Variants in STPG2 observed in about 807,000 individuals in gnomAD.
STPG2 encodes the protein sperm tail PG-rich repeat containing 2.
Under a neutral mutation model 54.2 loss-of-function variants are expected in STPG2, and 56 were observed. The observed-to-expected ratio is 1.03, with a 90% CI of 0.83 to 1.29. The LOEUF is 1.29. STPG2 is among the 50% of genes most tolerant of loss of function. The pLI, the probability that STPG2 is intolerant of heterozygous loss-of-function variation, is 0.00. For synonymous variants in STPG2, 200 were observed against 181.8 expected, an observed-to-expected ratio of 1.10 and a Z score of -0.81; for missense variants, 596 against 544.9, an observed-to-expected ratio of 1.09 and a Z score of -0.93.
intron 5 of STPG2, among the ~76,000 whole-genome samples, chr4:97,992,437 T>A (rs1735052169): frequency 6.6e-6 from 1 of 152,222 alleles, no homozygotes; most frequent in Non-Finnish European, 1.5e-5. Context: ...CTAGGTTCTC[T>A]ATTCTGTTCC....
chr4:98,115,268 T>C (rs1001583828), intron 3 of STPG2, among the ~76,000 whole-genome samples: 2 of 151,978 alleles, frequency 1.3e-5, no homozygotes, highest in Non-Finnish European at 2.9e-5. Flanking sequence ...TTTTCCAGTG[T>C]GGCAGCACAC....
In STPG2 at chr4:97,767,890, A is replaced by G. The variant is rs549854269; in HGVS notation, c.1205-55076T>C. The stretch of plus-strand genomic sequence containing the variant: ...ATGAAGATAAAACATAGAGTTGGCC[A>G]GGCACGATGGCTCACGCCTGTAATC... On this transcript the variant is annotated intron_variant, in intron 9 of 10. Transcript: ENST00000295268. 3.3e-5 allele frequency among the ~76,000 whole-genome samples: 5 copies of G among 152,308 alleles called. No individual in the cohort carries two copies. In the South Asian group the frequency reaches 6.2e-4, roughly 19 times the overall value.
chr4:97,533,133 G>A (rs907830316), intron 4 of STPG2, among the ~76,000 whole-genome samples: 18 of 151,828 alleles, frequency 1.2e-4, no homozygotes, highest in Non-Finnish European at 2.4e-4. Context: ...CCCCCGCCTC[G>A]GCCTCCCAAA....
At chr4:97,884,415 T>C (rs1440043062) in intron 8 of STPG2, among the ~76,000 whole-genome samples, 1 of 152,108 alleles carries the variant, frequency 6.6e-6, no homozygotes, top group Non-Finnish European at 1.5e-5. Context: ...CAAATTGAGA[T>C]TCTTTTTATA....
intron 4 of STPG2, among the ~76,000 whole-genome samples, chr4:97,512,085 A>G (rs867031094): frequency 2.0e-5 from 3 of 152,130 alleles, no homozygotes; most frequent in African/African-American, 7.2e-5. Context: ...AACAAGTCAT[A>G]TAAGAAAATT....
At position 97,669,696 on chromosome 4, in the gene STPG2, T is replaced by C. The variant is rs1722639497; in HGVS notation, c.1320+43003A>G. On this transcript the variant is annotated intron_variant, in intron 10 of 10. Coordinates refer to ENST00000295268, the MANE Select transcript of STPG2 (RefSeq NM_174952.3). ...CTGTAGTCCCAGCTACTCGGGAGGCTGAGGCAGGAGAATGGCGTGAACCCG... is the reference window on the plus strand; with the variant it reads ...CTGTAGTCCCAGCTACTCGGGAGGCCGAGGCAGGAGAATGGCGTGAACCCG... Among the ~76,000 whole-genome samples, 2 of 82,116 alleles carry C rather than the reference T, an allele frequency of 2.4e-5. 1 individual carries two copies. Among genetic ancestry groups the C allele is most frequent in the Non-Finnish European group, 4.6e-5 (2 of 43,658 alleles). 53.9% of individuals were successfully genotyped at this position (82,116 alleles called of 152,430 possible). A position where few individuals can be genotyped will look rare whatever the true frequency, so the allele number is the denominator to read the frequency against.
intron 10 of STPG2, among the ~76,000 whole-genome samples, chr4:97,577,796 C>A (rs1252170900): frequency 1.3e-5 from 2 of 152,118 alleles, no homozygotes; most frequent in Admixed American, 6.6e-5. Context: ...GGACAGATTT[C>A]TCTTAACACT....
intron 8 of STPG2, among the ~76,000 whole-genome samples, chr4:97,898,812 C>A: frequency 6.6e-6 from 1 of 151,564 alleles, no homozygotes; most frequent in African/African-American, 2.4e-5. Flanking sequence ...AAATGATGAG[C>A]AAAATTCGTA....
chr4:97,937,237 A>G (rs1352932593), intron 8 of STPG2, among the ~76,000 whole-genome samples: 1 of 151,956 alleles, frequency 6.6e-6, no homozygotes, highest in Non-Finnish European at 1.5e-5. Context: ...CAGGCCATTT[A>G]TGTTCCTCTC....
intron 9 of STPG2, among the ~76,000 whole-genome samples, chr4:97,810,489 C>T (rs1727702885): frequency 6.6e-6 from 1 of 150,918 alleles, no homozygotes; most frequent in Non-Finnish European, 1.5e-5. Context: ...GAAAGCAATG[C>T]TCACATTTTA....
intron 4 of STPG2, among the ~76,000 whole-genome samples, chr4:97,521,852 G>A (rs1473150654): frequency 6.6e-6 from 1 of 151,894 alleles, no homozygotes; most frequent in Non-Finnish European, 1.5e-5. Flanking sequence ...ATGCATGCTT[G>A]TAGTATCAGC....
intron 5 of STPG2, among the ~76,000 whole-genome samples, chr4:98,104,690 T>C (rs1461627948): frequency 6.6e-6 from 1 of 152,210 alleles, no homozygotes; most frequent in Non-Finnish European, 1.5e-5. Flanking sequence ...TCACATTACA[T>C]TTAATAATAA....
intron 9 of STPG2, among the ~76,000 whole-genome samples, chr4:97,822,359 A>G (rs1265452720): frequency 2.6e-5 from 4 of 152,226 alleles, no homozygotes; most frequent in Non-Finnish European, 5.9e-5. Context: ...GGTTACAACC[A>G]TTTAAGCAGT....
chr4:98,094,505 C>T (rs139238811), intron 5 of STPG2, among the ~76,000 whole-genome samples: 1 of 152,172 alleles, frequency 6.6e-6, no homozygotes, highest in Non-Finnish European at 1.5e-5. Context: ...CGCACCAACT[C>T]GACCAGTGGA....
intron 9 of STPG2, among the ~76,000 whole-genome samples, chr4:97,769,495 TAGC>T (rs1385929638): frequency 6.6e-6 from 1 of 152,006 alleles, no homozygotes; most frequent in Non-Finnish European, 1.5e-5. Context: ...GTAAAAAAAA[TAGC>T]AGATAATTTG....
intron 9 of STPG2, among the ~76,000 whole-genome samples, chr4:97,832,517 G>C (rs1728500885): frequency 6.6e-6 from 1 of 152,144 alleles, no homozygotes; most frequent in Non-Finnish European, 1.5e-5. Context: ...TCTGGCCAGG[G>C]CAATCAGGCA....
chr4:97,835,812 G>C (rs1322330877), intron 9 of STPG2, among the ~76,000 whole-genome samples: 1 of 151,980 alleles, frequency 6.6e-6, no homozygotes, highest in African/African-American at 2.4e-5. Flanking sequence ...GTTTGAAAAA[G>C]GTTGATTCCA....
intron 8 of STPG2, among the ~76,000 whole-genome samples, chr4:97,937,607 T>C (rs1732795657): frequency 6.6e-6 from 1 of 152,200 alleles, no homozygotes; most frequent in Admixed American, 6.5e-5. Flanking sequence ...TTTCTGTTTG[T>C]TTGTTTTCCT....
At chr4:98,115,107 G>A (rs1739480004) in intron 3 of STPG2, among the ~76,000 whole-genome samples, 1 of 151,904 alleles carries the variant, frequency 6.6e-6, no homozygotes, top group South Asian at 2.1e-4. Flanking sequence ...ATTTGAAGAA[G>A]AATTACTAAC....
Sources: gnomAD v4.1 joint callset for allele counts (sites outside exome capture counted in the v4.1 genomes callset) on GRCh38, gnomAD v4.1.1 for gene constraint, MANE v1.5 for transcripts, NCBI Gene and HGNC (gene_info 2026-07-23, HGNC 2026-07-21) for gene names.